Variants in PIH1D2 observed in about 807,000 individuals in gnomAD.
PIH1D2 encodes PIH1 domain containing 2, also known as PIH1 domain-containing protein 2.
A neutral mutation model predicts 31.2 loss-of-function variants in PIH1D2; 25 were observed. That is an observed-to-expected ratio of 0.80 (90% CI 0.58 to 1.12). The LOEUF is 1.12. Ranked by LOEUF, PIH1D2 falls within the 50% of genes most tolerant of loss-of-function variation. The pLI is 0.00. For missense variants in PIH1D2, 310 were observed against 356.6 expected, an observed-to-expected ratio of 0.87 and a Z score of 1.05; for synonymous variants, 116 against 119.9, an observed-to-expected ratio of 0.97 and a Z score of 0.21.
chr11:112,056,956 T>C, the PIH1D2 span, among the ~76,000 whole-genome samples: 1 of 152,220 alleles, frequency 6.6e-6, no homozygotes. Flanking sequence ...GTCAAGCAAG[T>C]TGATGGCACC....
At chr11:112,054,295 G>A in the PIH1D2 span, among the ~76,000 whole-genome samples, 193 of 152,184 alleles carry the variant, frequency 1.3e-3, no homozygotes, top group African/African-American at 4.5e-3. Context: ...ACTCCAGCCT[G>A]AGCAACAGAG....
At chr11:112,057,049 A>G in the PIH1D2 span, among the ~76,000 whole-genome samples, 2 of 152,194 alleles carry the variant, frequency 1.3e-5, no homozygotes, top group East Asian at 3.9e-4. Context: ...TTATTATTGT[A>G]TCTGTTATGG....
At chr11:112,058,193 G>C in the PIH1D2 span, among the ~76,000 whole-genome samples, 1 of 152,152 alleles carries the variant, frequency 6.6e-6, no homozygotes, top group Admixed American at 6.5e-5. Flanking sequence ...TGGATTCAGT[G>C]GTGAACAATA....
At chr11:112,056,216 G>T in the PIH1D2 span, among the ~76,000 whole-genome samples, 12 of 152,046 alleles carry the variant, frequency 7.9e-5, no homozygotes, top group Admixed American at 3.3e-4. Flanking sequence ...ATCATAAAAT[G>T]TACCTGCTCT....
At chr11:112,058,169 C>T in the PIH1D2 span, among the ~76,000 whole-genome samples, 2 of 152,162 alleles carry the variant, frequency 1.3e-5, no homozygotes, top group Non-Finnish European at 2.9e-5. Flanking sequence ...ATTTATTTAA[C>T]ATGTACTGTT....
chr11:112,061,166 T>G (rs1555183232), downstream of PIH1D2: 1 of 1,614,112 alleles, frequency 6.2e-7, no homozygotes, highest in South Asian at 1.1e-5. Flanking sequence ...CTGCAGATAA[T>G]GAAAAAGGGT....
downstream of PIH1D2, among the ~76,000 whole-genome samples, chr11:112,065,026 G>C (rs371997431): frequency 4.6e-5 from 7 of 151,678 alleles, no homozygotes; most frequent in South Asian, 2.1e-4. Flanking sequence ...ATTTTTATTA[G>C]AGACAGGGTT....
intron 2 of PIH1D2, among the ~76,000 whole-genome samples, chr11:112,072,439 T>C (rs782491173): frequency 5.3e-5 from 8 of 149,686 alleles, no homozygotes; most frequent in Non-Finnish European, 8.9e-5. Flanking sequence ...TCCCAGCTAC[T>C]TGGGAGGCTG....
At chr11:112,071,432 G>A (rs1865106669) in intron 3 of PIH1D2, 149 bp from the exon 4 acceptor site, 2 of 1,277,784 alleles carry the variant, frequency 1.6e-6, no homozygotes, top group Non-Finnish European at 2.1e-6. Context: ...CAGCAATTAT[G>A]ACATTTCTTG....
chr11:112,060,474 AAC>A (rs1864513525), downstream of PIH1D2, among the ~76,000 whole-genome samples: 1 of 149,536 alleles, frequency 6.7e-6, no homozygotes, highest in African/African-American at 2.5e-5. Flanking sequence ...TCTTTTTTGA[AAC>A]AGAGTCTCAC....
downstream of PIH1D2, among the ~76,000 whole-genome samples, chr11:112,067,073 A>G (rs979485475): frequency 3.3e-5 from 5 of 152,190 alleles, no homozygotes; most frequent in African/African-American, 1.2e-4. Flanking sequence ...AGTGAAGTAC[A>G]GAGGTTAAAT....
chr11:112,071,333 A>G, intron 3 of PIH1D2, 50 bp from the exon 4 acceptor site: 1 of 1,550,450 alleles, frequency 6.4e-7, no homozygotes, highest in Non-Finnish European at 8.8e-7. Context: ...TGTTGCACTA[A>G]TGATACTGTC....
the PIH1D2 span, among the ~76,000 whole-genome samples, chr11:112,053,159 T>TA: frequency 6.6e-6 from 1 of 152,012 alleles, no homozygotes; most frequent in African/African-American, 2.4e-5. Context: ...CCATCTCTAC[T>TA]AAAAATACAA....
chr11:112,061,154 C>G, downstream of PIH1D2: 1 of 1,614,032 alleles, frequency 6.2e-7, no homozygotes, highest in Non-Finnish European at 8.5e-7. Context: ...ATAAACTGGT[C>G]CCTGCAGATA....
At chr11:112,059,429 G>C (rs1555182946), downstream of PIH1D2, among the ~76,000 whole-genome samples, 2 of 150,248 alleles carry the variant, frequency 1.3e-5, no homozygotes, top group Non-Finnish European at 2.9e-5. Context: ...GTCTCGCTCT[G>C]CTGCCCAGGC....
chr11:112,062,585 A>G (rs782688456), downstream of PIH1D2: 1 of 1,593,808 alleles, frequency 6.3e-7, no homozygotes, highest in Admixed American at 1.7e-5. Flanking sequence ...TTCATTCTTA[A>G]CAAGATATTT....
chr11:112,071,606 A>G, intron 3 of PIH1D2, 29 bp downstream of exon 3: 1 of 1,603,888 alleles, frequency 6.2e-7, no homozygotes, highest in Non-Finnish European at 8.5e-7. Context: ...TAAAATTTTT[A>G]CAATGTGCTT....
At chr11:112,072,903 AAAAAATTAGCAAT>A in intron 2 of PIH1D2, 82 bp downstream of exon 2, 1 of 1,281,452 alleles carries the variant, frequency 7.8e-7, no homozygotes, top group Non-Finnish European at 1.0e-6. Flanking sequence ...AAAAAAACAA[AAAAAATTAGCAAT>A]ACCTAAGTGT....
In PIH1D2 at chr11:112,072,892, A is replaced by C. The variant is rs886423565; in HGVS notation, c.177+106T>G. 222 of 1,206,972 alleles carry C rather than the reference A, an allele frequency of 1.8e-4. 1 individual carries two copies. The highest frequency in any genetic ancestry group is 1.5e-3 in the Middle Eastern group (5 of 3,254). The allele number at this position is 1,206,972 out of a possible 1,614,324, so 74.8% of individuals were successfully genotyped here. A position where few individuals can be genotyped will look rare whatever the true frequency, so the allele number is the denominator to read the frequency against. On this transcript the variant is annotated intron_variant, in intron 2 of 5. Coordinates refer to ENST00000280350, the MANE Select transcript of PIH1D2 (RefSeq NM_138789.4). ...AACAAAACAAAACAAAACAAAACAA[A>C]AAAAAAACAAAAAAAATTAGCAATA...
Sources: gnomAD v4.1 joint callset for allele counts (sites outside exome capture counted in the v4.1 genomes callset) on GRCh38, gnomAD v4.1.1 for gene constraint, MANE v1.5 for transcripts, NCBI Gene and HGNC (gene_info 2026-07-23, HGNC 2026-07-21) for gene names.